Variants in KIF2C observed in about 807,000 individuals in gnomAD.
KIF2C encodes kinesin family member 2C, also known as kinesin-like protein KIF2C.
Under a neutral mutation model 97.4 loss-of-function variants are expected in KIF2C, and 34 were observed. The observed-to-expected ratio is 0.35, with a 90% CI of 0.27 to 0.46. The LOEUF is 0.46. Ranked by LOEUF, KIF2C falls within the 20% of genes least tolerant of loss-of-function variation. The pLI is 1.00. For missense variants in KIF2C, 750 were observed against 907.6 expected (o/e 0.83, Z 2.23); for synonymous variants, 313 against 318.2 (o/e 0.98, Z 0.17).
chr1:44,753,873 G>A, intron 7 of KIF2C, 40 bp downstream of exon 7: 1 of 1,315,322 alleles, frequency 7.6e-7, no homozygotes, highest in Non-Finnish European at 1.1e-6. Flanking sequence ...TTTTTGGACA[G>A]GTGTCCTTAA....
intron 2 of KIF2C, among the ~76,000 whole-genome samples, chr1:44,741,800 G>C (rs956063383): frequency 6.6e-6 from 1 of 151,804 alleles, no homozygotes; most frequent in African/African-American, 2.4e-5. Context: ...GACCAGGCTG[G>C]GCAACATGAC....
At chr1:44,743,443 C>G (rs1407500316) in intron 2 of KIF2C, among the ~76,000 whole-genome samples, 1 of 152,106 alleles carries the variant, frequency 6.6e-6, no homozygotes, top group Non-Finnish European at 1.5e-5. Flanking sequence ...TTATTGGGTG[C>G]TAGGGATACA....
intron 18 of KIF2C, 29 bp downstream of exon 18, chr1:44,762,480 CAG>C (rs1222022894): frequency 6.2e-7 from 1 of 1,610,834 alleles, no homozygotes; most frequent in Non-Finnish European, 8.5e-7. Flanking sequence ...CCAAGCAAGA[CAG>C]AAGTGTGGCC....
rs1356631597 is a variant in KIF2C at position 44,762,560 on chromosome 1, G to A, written c.1873G>A (p.Glu625Lys). Residue 625 changes from glutamate (E) to lysine (K), a missense_variant, in exon 19 of 21, where the codon GAG becomes AAG. Physicochemically the swap from Glu to Lys is moderately conservative, Grantham distance 56. Transcript: ENST00000372224. ...GCCCTCTCAGTTATCCAAGGAAGAGGAGGAACTGTCTTCCCAGATGTCCAG... is the reference window on the plus strand; with the variant it reads ...GCCCTCTCAGTTATCCAAGGAAGAGAAGGAACTGTCTTCCCAGATGTCCAG... ...LIPGNLSKEE[E>K]ELSSQMSSFN... is the part of the protein sequence containing the mutation. 1.9e-6 allele frequency: 3 copies of A among 1,613,708 alleles called. No individual in the cohort carries two copies. Among genetic ancestry groups the A allele is most frequent in the Admixed American group, 1.7e-5 (1 of 60,002 alleles).
intron 2 of KIF2C, among the ~76,000 whole-genome samples, chr1:44,744,966 G>T (rs2148821531): frequency 6.6e-6 from 1 of 151,598 alleles, no homozygotes; most frequent in African/African-American, 2.4e-5. Context: ...GAGGTGGACG[G>T]ATCACCTGAG....
intron 6 of KIF2C, 67 bp from the exon 7 acceptor site, chr1:44,753,666 T>C (rs1194575200): frequency 2.9e-5 from 32 of 1,089,270 alleles, no homozygotes; most frequent in African/African-American, 1.6e-5. Flanking sequence ...CAGAGAAGAG[T>C]AGGCTGGCTT....
intron 8 of KIF2C, among the ~76,000 whole-genome samples, chr1:44,755,432 A>G (rs1443629645): frequency 6.6e-6 from 1 of 151,922 alleles, no homozygotes; most frequent in African/African-American, 2.4e-5. Flanking sequence ...CGCCTAGGTA[A>G]TTTTTGTATT....
At chr1:44,766,629 C>CG (rs1457264563) in intron 19 of KIF2C, among the ~76,000 whole-genome samples, 197 bp from the exon 20 acceptor site, 18 of 151,780 alleles carry the variant, frequency 1.2e-4, no homozygotes, top group African/African-American at 3.6e-4. Context: ...ACAAAGAAAA[C>CG]GAAAAAAACA....
At chr1:44,750,784 A>T (rs560329399) in intron 5 of KIF2C, among the ~76,000 whole-genome samples, 1 of 152,216 alleles carries the variant, frequency 6.6e-6, no homozygotes, top group Non-Finnish European at 1.5e-5. Flanking sequence ...AACACATAGC[A>T]TTGAGTATTT....
rs577930563 is a variant in KIF2C, at chr1:44,760,181, C to T, written c.1368-99C>T. 3.4e-5 allele frequency: 37 copies of T among 1,076,688 alleles called. No individual in the cohort carries two copies. The East Asian group carries it at 8.1e-4, about 24-fold the overall frequency. 66.7% of individuals were successfully genotyped at this position (1,076,688 alleles called of 1,614,324 possible). ...GGGACAGGAAAACAGGACTTTTTCGCCTCCTAACCTGTGTCCCTCCCTTCC... is the reference window on the plus strand; with the variant it reads ...GGGACAGGAAAACAGGACTTTTTCGTCTCCTAACCTGTGTCCCTCCCTTCC... On this transcript the variant is annotated intron_variant, in intron 14 of 20. Coordinates refer to ENST00000372224, the MANE Select transcript of KIF2C (RefSeq NM_006845.4). This position sits in a 1 kb window ranked among gnomAD's most constrained non-coding sequence, Gnocchi z 4.2.
chr1:44,753,767 A>G lies in KIF2C; in HGVS notation c.597A>G (p.Glu199=), dbSNP rs1223968373. 1 of 1,611,824 alleles carries G rather than the reference A, an allele frequency of 6.2e-7. No homozygotes were observed. The highest frequency in any genetic ancestry group is 8.5e-7 in the Non-Finnish European group (1 of 1,179,152). Residue 199 remains glutamate (E), a synonymous_variant, in exon 7 of 21, where the codon GAA becomes GAG. Coordinates refer to ENST00000372224, the MANE Select transcript of KIF2C (RefSeq NM_006845.4). ...RRKSCLVKEV[E]KMKNKREEKK... ...AATCATGTCTTGTGAAGGAAGTGGA[A>G]AAAATGAAGAACAAGCGAGAAGAGA...
At chr1:44,743,448 G>A (rs1177443480) in intron 2 of KIF2C, among the ~76,000 whole-genome samples, 1 of 152,168 alleles carries the variant, frequency 6.6e-6, no homozygotes, top group Non-Finnish European at 1.5e-5. Context: ...GGGTGCTAGG[G>A]ATACAGAGGT....
intron 19 of KIF2C, among the ~76,000 whole-genome samples, chr1:44,762,917 T>C (rs1388069335): frequency 6.6e-6 from 1 of 152,168 alleles, no homozygotes; most frequent in Non-Finnish European, 1.5e-5. Context: ...ACGCTCCTGA[T>C]AGAGGATTTG....
intron 19 of KIF2C, among the ~76,000 whole-genome samples, chr1:44,765,785 C>G (rs1302483966): frequency 6.6e-6 from 1 of 152,046 alleles, no homozygotes; most frequent in Non-Finnish European, 1.5e-5. Context: ...GGCGTGATGG[C>G]TCACGCCTGT....
In KIF2C at chr1:44,760,376, C is replaced by A. The variant is rs774190587; in HGVS notation, c.1464C>A (p.Phe488Leu). The A allele has an allele frequency of 6.2e-7, 1 of 1,614,222 alleles. No individual in the cohort carries two copies. Among genetic ancestry groups the A allele is most frequent in the Admixed American group, 1.7e-5 (1 of 60,026 alleles). ...LRAKGRMHGK[F>L]SLVDLAGNER... ...CTAAAGGGAGAATGCATGGCAAGTT[C>A]TCTTTGGTAGATCTGGCAGGGAATG... The change falls in exon 15 of 21, where the codon TTC becomes TTA. Residue 488 changes from phenylalanine (F) to leucine (L), a missense_variant. Transcript: ENST00000372224. The surrounding 1 kb of genome is among the most constrained non-coding windows in gnomAD (Gnocchi z 4.2).
At chr1:44,764,523 G>T (rs1314395911) in intron 19 of KIF2C, among the ~76,000 whole-genome samples, 1 of 150,242 alleles carries the variant, frequency 6.7e-6, no homozygotes, top group Non-Finnish European at 1.5e-5. Context: ...GTTTGTTTTG[G>T]GGGGGGATGG....
intron 7 of KIF2C, 65 bp from the exon 8 acceptor site, chr1:44,754,685 G>A (rs761918235): frequency 2.1e-5 from 19 of 916,698 alleles, no homozygotes; most frequent in South Asian, 6.5e-5. Context: ...TGCTGCTGCC[G>A]CATAGGGGTC....
intron 2 of KIF2C, chr1:44,746,845 G>A: frequency 7.7e-7 from 1 of 1,301,924 alleles, no homozygotes; most frequent in East Asian, 2.5e-5. Context: ...GAATTTAGGG[G>A]TACCCCTGTC....
In KIF2C at chr1:44,758,940, T is replaced by C. The variant is rs183656977; in HGVS notation, c.1225-266T>C. ...TATTCTAAGCACTACCTGTCTCACC[T>C]TTACAGATGAGATGCAAGGCTAGAG... On this transcript the variant is annotated intron_variant, in intron 13 of 20. Transcript: ENST00000372224. 12 of 460,624 alleles carry C rather than the reference T, an allele frequency of 2.6e-5. No homozygotes were observed. The Admixed American group carries it at 4.0e-4, about 15-fold the overall frequency. The allele number at this position is 460,624 out of a possible 1,614,324, so 28.5% of individuals were successfully genotyped here.
Sources: gnomAD v4.1 joint callset for allele counts (sites outside exome capture counted in the v4.1 genomes callset) on GRCh38, gnomAD v4.1.1 for gene constraint, Gnocchi (gnomAD v3.1) non-coding constraint, MANE v1.5 for transcripts, NCBI Gene and HGNC (gene_info 2026-07-23, HGNC 2026-07-21) for gene names.